The following KIAA1549 variants were observed in gnomAD, a reference collection of about 807,000 sequenced individuals.
The protein encoded by KIAA1549 is UPF0606 protein KIAA1549.
A neutral mutation model predicts 156.4 loss-of-function variants in KIAA1549; 70 were observed. That is an observed-to-expected ratio of 0.45 (90% CI 0.37 to 0.55). The LOEUF (loss-of-function observed/expected upper bound fraction) is 0.55, where lower values mean the gene tolerates loss of function less well. Among genes scored for constraint, KIAA1549 ranks in the 20% least tolerant of loss-of-function variants. The probability of loss-of-function intolerance (pLI) is 0.00; values close to 1 mark genes in which losing one functional copy is unlikely to be tolerated. For missense variants in KIAA1549, 2,428 were observed against 2,540.9 expected, an observed-to-expected ratio of 0.96 and a Z score of 0.96; for synonymous variants, 1,103 against 1,066.4, an observed-to-expected ratio of 1.03 and a Z score of -0.67.
intron 15 of KIAA1549, among the ~76,000 whole-genome samples, chr7:138,861,943 GA>G (rs979435213): frequency 1.3e-4 from 20 of 151,874 alleles, no homozygotes; most frequent in African/African-American, 4.4e-4. Flanking sequence ...GCTTGAACCA[GA>G]AAAAAACTGC....
chr7:138,951,529 T>C (rs759012496), intron 1 of KIAA1549, among the ~76,000 whole-genome samples: 5 of 152,234 alleles, frequency 3.3e-5, no homozygotes, highest in Admixed American at 6.5e-5. Context: ...ACTGCCTATG[T>C]CTGTCTCTGC....
intron 17 of KIAA1549, among the ~76,000 whole-genome samples, chr7:138,847,595 C>T (rs886258446): frequency 2.0e-5 from 3 of 152,182 alleles, no homozygotes; most frequent in East Asian, 1.9e-4. Flanking sequence ...CATAGCTTGT[C>T]GACTGGTCTA....
chr7:138,930,384 T>C (rs1812836699), intron 1 of KIAA1549, among the ~76,000 whole-genome samples: 1 of 152,252 alleles, frequency 6.6e-6, no homozygotes, highest in Non-Finnish European at 1.5e-5. Flanking sequence ...TCAGCCATCC[T>C]TTGAAGCTCT....
chr7:138,933,092 T>C (rs1270501697), intron 1 of KIAA1549, among the ~76,000 whole-genome samples: 2 of 151,742 alleles, frequency 1.3e-5, no homozygotes, highest in Non-Finnish European at 2.9e-5. Context: ...CATGCACGTT[T>C]CTCGTGGTGG....
intron 3 of KIAA1549, among the ~76,000 whole-genome samples, chr7:138,911,817 G>A: frequency 6.6e-6 from 1 of 152,028 alleles, no homozygotes; most frequent in East Asian, 1.9e-4. Flanking sequence ...TTCAAGTCTG[G>A]TATGTATTTT....
chr7:138,859,622 C>T (rs571683669), intron 16 of KIAA1549, among the ~76,000 whole-genome samples: 3 of 152,270 alleles, frequency 2.0e-5, no homozygotes, highest in East Asian at 1.9e-4. Flanking sequence ...CTCAGGGAGA[C>T]CACAGAGCTC....
chr7:138,840,818 A>T (rs910299564), intron 18 of KIAA1549, among the ~76,000 whole-genome samples: 1 of 152,168 alleles, frequency 6.6e-6, no homozygotes, highest in Non-Finnish European at 1.5e-5. Flanking sequence ...GCACCACAAC[A>T]GCCCCAGTGG....
At chr7:138,841,736 CTTTAT>C (rs900757400) in intron 18 of KIAA1549, among the ~76,000 whole-genome samples, 7 of 152,032 alleles carry the variant, frequency 4.6e-5, no homozygotes, top group Non-Finnish European at 8.8e-5. Flanking sequence ...TCTCTCAATT[CTTTAT>C]TTTAAGAGAT....
chr7:138,949,736 T>G (rs1448310957), intron 1 of KIAA1549, among the ~76,000 whole-genome samples: 17 of 152,202 alleles, frequency 1.1e-4, no homozygotes, highest in Non-Finnish European at 2.5e-4. Flanking sequence ...TTCACATGAC[T>G]GCAGACCCCA....
In KIAA1549 at chr7:138,832,239, C is replaced by G. The variant is rs1351853119; in HGVS notation, c.*5667G>C. Reference sequence around the variant, plus strand: ...AGAGACAGGACCTCACCCTGCAGCCCAGGCTGGAGTGCAGTGGCGTGATTA... The same window carrying G: ...AGAGACAGGACCTCACCCTGCAGCCGAGGCTGGAGTGCAGTGGCGTGATTA... On this transcript the variant is annotated 3_prime_UTR_variant, in exon 20 of 20. Coordinates refer to ENST00000422774, the MANE Select transcript of KIAA1549 (RefSeq NM_001164665.2). 4 of 203,860 alleles carry G rather than the reference C, an allele frequency of 2.0e-5. No individual in the cohort carries two copies. Among genetic ancestry groups the G allele is most frequent in the African/African-American group, 9.5e-5 (4 of 42,148 alleles). 12.6% of individuals were successfully genotyped at this position (203,860 alleles called of 1,614,324 possible).
chr7:138,886,805 T>C (rs1484706267), intron 10 of KIAA1549, among the ~76,000 whole-genome samples: 1 of 152,192 alleles, frequency 6.6e-6, no homozygotes, highest in Non-Finnish European at 1.5e-5. Flanking sequence ...CCCTCAGCCT[T>C]TTGCAAATGA....
intron 1 of KIAA1549, among the ~76,000 whole-genome samples, chr7:138,972,311 A>T (rs1232860432): frequency 6.6e-6 from 1 of 151,760 alleles, no homozygotes; most frequent in Non-Finnish European, 1.5e-5. Flanking sequence ...CAAGACCAAA[A>T]CTAGAGATGA....
intron 1 of KIAA1549, among the ~76,000 whole-genome samples, chr7:138,951,705 C>G (rs1310163180): frequency 2.0e-5 from 3 of 152,192 alleles, no homozygotes; most frequent in Admixed American, 2.0e-4. Context: ...CAGGGACAAT[C>G]TGAGTTCATA....
chr7:138,859,928 T>A (rs1810504795), intron 16 of KIAA1549, among the ~76,000 whole-genome samples: 1 of 152,162 alleles, frequency 6.6e-6, no homozygotes, highest in Non-Finnish European at 1.5e-5. Context: ...CCTTTAGACT[T>A]CCACAGAGAT....
chr7:138,893,568 G>C (rs1054375077), intron 10 of KIAA1549, among the ~76,000 whole-genome samples: 10 of 152,178 alleles, frequency 6.6e-5, no homozygotes, highest in Non-Finnish European at 1.5e-4. Flanking sequence ...TTGAAGGATT[G>C]GCAAATAAAT....
Position 138,832,818 on chromosome 7 carries a change from G to A in KIAA1549, c.*5088C>T, listed in dbSNP as rs1809577893. ...CCAAGTCATCTTCATAGTGGAGAAAGTAGTCCTGTTTAAACACTGACAATC... is the reference window on the plus strand; with the variant it reads ...CCAAGTCATCTTCATAGTGGAGAAAATAGTCCTGTTTAAACACTGACAATC... On this transcript the variant is annotated 3_prime_UTR_variant, in exon 20 of 20. Coordinates refer to ENST00000422774, the MANE Select transcript of KIAA1549 (RefSeq NM_001164665.2). 1 of 225,672 alleles carries A rather than the reference G, an allele frequency of 4.4e-6. No homozygotes were observed. The highest frequency in any genetic ancestry group is 1.8e-4 in the South Asian group (1 of 5,452). 14.0% of individuals were successfully genotyped at this position (225,672 alleles called of 1,614,324 possible).
rs930991854 is a variant in KIAA1549, at chr7:138,832,134, G to C, written c.*5772C>G. On this transcript the variant is annotated 3_prime_UTR_variant, in exon 20 of 20. Transcript: ENST00000422774. ...AGCCCAGAAAGGTTCTGTGTAATCAGGGACTGCAAGAGACTCAAGTCACTC... is the reference window on the plus strand; with the variant it reads ...AGCCCAGAAAGGTTCTGTGTAATCACGGACTGCAAGAGACTCAAGTCACTC... 1 of 223,346 alleles carries C rather than the reference G, an allele frequency of 4.5e-6. No individual in the cohort carries two copies. The highest frequency in any genetic ancestry group is 6.3e-5 in the East Asian group (1 of 15,972). The allele number at this position is 223,346 out of a possible 1,614,324, so 13.8% of individuals were successfully genotyped here. A position where few individuals can be genotyped will look rare whatever the true frequency, so the allele number is the denominator to read the frequency against.
Position 138,871,422 on chromosome 7 carries a change from T to C in KIAA1549, c.4346-60A>G. Reference sequence around the variant, plus strand: ...AGTCATCTAAAGAAACAGCAACTAATCAAAATTGTGAATTATTCTTTAAAG... The same window carrying C: ...AGTCATCTAAAGAAACAGCAACTAACCAAAATTGTGAATTATTCTTTAAAG... On this transcript the variant is annotated intron_variant, in intron 12 of 19. Coordinates refer to ENST00000422774, the MANE Select transcript of KIAA1549 (RefSeq NM_001164665.2). 2.2e-6 allele frequency: 3 copies of C among 1,393,678 alleles called. No individual in the cohort carries two copies. The South Asian group carries it at 4.4e-5, about 20-fold the overall frequency. The allele number at this position is 1,393,678 out of a possible 1,614,324, so 86.3% of individuals were successfully genotyped here. A position where few individuals can be genotyped will look rare whatever the true frequency, so the allele number is the denominator to read the frequency against.
At chr7:138,855,153 C>T (rs987716280) in intron 16 of KIAA1549, among the ~76,000 whole-genome samples, 10 of 152,256 alleles carry the variant, frequency 6.6e-5, no homozygotes, top group African/African-American at 2.2e-4. Context: ...AGAGAAGTAA[C>T]AATCAGAGAC....
Sources: gnomAD v4.1 joint callset for allele counts (sites outside exome capture counted in the v4.1 genomes callset) on GRCh38, gnomAD v4.1.1 for gene constraint, MANE v1.5 for transcripts, NCBI Gene and HGNC (gene_info 2026-07-23, HGNC 2026-07-21) for gene names.